DEPDC1B: variants seen among roughly 807,000 people sequenced by gnomAD.
DEPDC1B encodes the protein DEP domain-containing protein 1B.
In DEPDC1B, 51 loss-of-function variants were observed where a neutral mutation model predicts 66.5. The ratio of observed to expected loss-of-function variants is 0.77; its 90% confidence interval spans 0.61 to 0.97. The LOEUF is 0.97. Among genes scored for constraint, DEPDC1B ranks in the 50% least tolerant of loss-of-function variants. The pLI, the probability that DEPDC1B is intolerant of heterozygous loss-of-function variation, is 0.00. For synonymous variants in DEPDC1B, 226 were observed against 223.6 expected (o/e 1.01, Z -0.10); for missense variants, 552 against 637.1 (o/e 0.87, Z 1.44).
At chr5:60,683,294 A>C (rs530950116) in intron 2 of DEPDC1B, among the ~76,000 whole-genome samples, 1 of 152,208 alleles carries the variant, frequency 6.6e-6, no homozygotes, top group African/African-American at 2.4e-5. Flanking sequence ...TTAGCTGAGC[A>C]TGTGGCGTGC....
At chr5:60,637,187 T>G (rs1273848219) in intron 7 of DEPDC1B, among the ~76,000 whole-genome samples, 1 of 152,156 alleles carries the variant, frequency 6.6e-6, no homozygotes, top group Non-Finnish European at 1.5e-5. Context: ...CCCGCCCAAA[T>G]CTCATGTTGA....
intron 2 of DEPDC1B, among the ~76,000 whole-genome samples, chr5:60,659,800 T>A (rs1481373628): frequency 6.6e-6 from 1 of 152,222 alleles, no homozygotes; most frequent in East Asian, 1.9e-4. Context: ...TTTCATTCCC[T>A]CTAGCAAGTT....
intron 7 of DEPDC1B, among the ~76,000 whole-genome samples, chr5:60,634,691 T>A (rs1753002736): frequency 1.3e-5 from 2 of 148,872 alleles, no homozygotes; most frequent in South Asian, 4.2e-4. Flanking sequence ...AATAAATAAA[T>A]AAATAAATAA....
intron 2 of DEPDC1B, among the ~76,000 whole-genome samples, chr5:60,658,442 C>G (rs1258646343): frequency 6.6e-6 from 1 of 152,148 alleles, no homozygotes. Context: ...AAGGGAAGAT[C>G]TGGGGATCAA....
chr5:60,687,288 C>T (rs567722017), intron 1 of DEPDC1B, 61 bp from the exon 2 acceptor site: 9 of 1,529,382 alleles, frequency 5.9e-6, no homozygotes, highest in Admixed American at 2.0e-5. Context: ...ATTACTACAT[C>T]TCAAATAATT....
intron 2 of DEPDC1B, among the ~76,000 whole-genome samples, chr5:60,675,093 T>C (rs1471880458): frequency 6.6e-6 from 1 of 151,984 alleles, no homozygotes; most frequent in Non-Finnish European, 1.5e-5. Context: ...AGGAGGAACA[T>C]ACAAATGACC....
In DEPDC1B at chr5:60,601,985, C is replaced by T. The variant is rs114818838; in HGVS notation, c.1242+1406G>A. Among the ~76,000 whole-genome samples, 331 of 152,254 alleles carry T rather than the reference C, an allele frequency of 2.2e-3. 2 individuals are homozygous for T. The highest frequency in any genetic ancestry group is 7.7e-3 in the African/African-American group (319 of 41,546). On this transcript the variant is annotated intron_variant, in intron 9 of 10. Transcript: ENST00000265036. ...AATTTGCCTAAGGTGACACAGCTAA[C>T]AAAAGGCATGTCATGAATTCAAAGG...
rs59712075 is a variant in DEPDC1B, at chr5:60,686,698, AG to A, written c.314+263del. Among the ~76,000 whole-genome samples the A allele has an allele frequency of 3.2e-3, 489 of 152,310 alleles. 3 individuals are homozygous for A. Among genetic ancestry groups the A allele is most frequent in the African/African-American group, 0.011 (443 of 41,574 alleles). ...TACTAAGTTATGGCCACCATTTCCC[AG>A]GTGAGCAAAAGGCATGAAAAGATTA... On this transcript the variant is annotated intron_variant, in intron 2 of 10. Coordinates refer to ENST00000265036, the MANE Select transcript of DEPDC1B (RefSeq NM_018369.3).
At chr5:60,637,938 G>A (rs1174598487) in intron 7 of DEPDC1B, among the ~76,000 whole-genome samples, 1 of 152,178 alleles carries the variant, frequency 6.6e-6, no homozygotes, top group Non-Finnish European at 1.5e-5. Flanking sequence ...GAACGACATA[G>A]AGAAGGAGGA....
chr5:60,696,351 T>C (rs917493536), intron 1 of DEPDC1B, among the ~76,000 whole-genome samples: 2 of 152,208 alleles, frequency 1.3e-5, no homozygotes, highest in Non-Finnish European at 1.5e-5. Context: ...AATAGACTTT[T>C]GAATTTACTC....
chr5:60,608,438 ATAT>A (rs1469120442), intron 7 of DEPDC1B, among the ~76,000 whole-genome samples: 1 of 147,040 alleles, frequency 6.8e-6, no homozygotes, highest in Non-Finnish European at 1.5e-5. Flanking sequence ...AATAGACTAT[ATAT>A]TATATTATAT....
intron 3 of DEPDC1B, 152 bp from the exon 4 acceptor site, chr5:60,645,771 A>C: frequency 1.2e-6 from 1 of 818,664 alleles, no homozygotes; most frequent in Non-Finnish European, 1.8e-6. Flanking sequence ...AGAAATATAA[A>C]CTAACTTTCT....
rs933378779 is a variant in DEPDC1B, at chr5:60,695,270, C to T, written c.48+4776G>A. ...GCAGAGTGTACAAGAAACATGGTGC[C>T]AGCATCTGCTCAGTTTCTGGTGAGG... On this transcript the variant is annotated intron_variant, in intron 1 of 10. Transcript: ENST00000265036. 2.0e-5 allele frequency among the ~76,000 whole-genome samples: 3 copies of T among 152,110 alleles called. No homozygotes were observed. In the South Asian group the frequency reaches 6.2e-4, roughly 31 times the overall value.
At chr5:60,616,635 T>A (rs910058038) in intron 7 of DEPDC1B, among the ~76,000 whole-genome samples, 2 of 152,144 alleles carry the variant, frequency 1.3e-5, no homozygotes, top group Non-Finnish European at 2.9e-5. Flanking sequence ...TATGGGACTA[T>A]GTGAAAAGAC....
chr5:60,635,669 T>A (rs566090334), intron 7 of DEPDC1B, among the ~76,000 whole-genome samples: 3 of 152,100 alleles, frequency 2.0e-5, no homozygotes, highest in Non-Finnish European at 4.4e-5. Flanking sequence ...CAAATTGGAG[T>A]TCACGCTCCT....
chr5:60,658,545 C>G (rs541163103), intron 2 of DEPDC1B, among the ~76,000 whole-genome samples: 1 of 151,182 alleles, frequency 6.6e-6, no homozygotes, highest in African/African-American at 2.4e-5. Flanking sequence ...ATTCCTAAGC[C>G]TAGCTGAGAA....
At chr5:60,670,939 T>G (rs1168264812) in intron 2 of DEPDC1B, among the ~76,000 whole-genome samples, 1 of 152,156 alleles carries the variant, frequency 6.6e-6, no homozygotes, top group African/African-American at 2.4e-5. Flanking sequence ...GGCAGGAGAC[T>G]TGCATTTACA....
At position 60,645,597 on chromosome 5, in the gene DEPDC1B, C is replaced by T. The variant is rs766115400; in HGVS notation, c.473G>A (p.Arg158His). 35 of 1,610,726 alleles carry T rather than the reference C, an allele frequency of 2.2e-5. No individual in the cohort carries two copies. The highest frequency in any genetic ancestry group is 2.7e-5 in the African/African-American group (2 of 74,624). The part of the protein sequence containing the change: ...VVMNSEMWYK[R>H]HSIAIGEVPA... ...CACCTCTCCAATTGCAATACTGTGACGCTTGTACCACATCTCAGAATTCTA... is the reference window on the plus strand; with the variant it reads ...CACCTCTCCAATTGCAATACTGTGATGCTTGTACCACATCTCAGAATTCTA... The change falls in exon 4 of 11, where the codon CGT becomes CAT. Residue 158 changes from arginine (R) to histidine (H), a missense_variant. Transcript: ENST00000265036.
intron 7 of DEPDC1B, among the ~76,000 whole-genome samples, chr5:60,613,002 T>C (rs973293627): frequency 6.6e-6 from 1 of 152,250 alleles, no homozygotes; most frequent in Non-Finnish European, 1.5e-5. Flanking sequence ...AGCAACATGC[T>C]ACTTTTTAAA....
Sources: gnomAD v4.1 joint callset for allele counts (sites outside exome capture counted in the v4.1 genomes callset) on GRCh38, gnomAD v4.1.1 for gene constraint, MANE v1.5 for transcripts, NCBI Gene and HGNC (gene_info 2026-07-23, HGNC 2026-07-21) for gene names.